The following MMP16 variants were observed in gnomAD, a reference collection of about 807,000 sequenced individuals.
The protein encoded by MMP16 is matrix metallopeptidase 16, also known as matrix metalloproteinase-16.
In MMP16, 12 loss-of-function variants were observed where a neutral mutation model predicts 67.8. That is an observed-to-expected ratio of 0.18 (90% CI 0.11 to 0.29). The LOEUF (loss-of-function observed/expected upper bound fraction) is 0.29. MMP16 is among the 10% of genes least tolerant of loss of function. The probability of loss-of-function intolerance (pLI) is 1.00; values close to 1 mark genes in which losing one functional copy is unlikely to be tolerated. For synonymous variants in MMP16, 249 were observed against 255.9 expected (o/e 0.97, Z 0.26); for missense variants, 475 against 765.7 (o/e 0.62, Z 4.48).
Position 88,074,571 on chromosome 8 carries a change from A to G in MMP16, c.1222+34T>C, listed in dbSNP as rs1335211890. 3 of 1,606,186 alleles carry G rather than the reference A, an allele frequency of 1.9e-6. No homozygotes were observed. The Admixed American group carries it at 5.0e-5, about 27-fold the overall frequency. On this transcript the variant is annotated intron_variant, in intron 7 of 9. Coordinates refer to ENST00000286614, the MANE Select transcript of MMP16 (RefSeq NM_005941.5). Reference sequence around the variant, plus strand: ...CAGGGTCCTATACAAAATGATTAAAATACAACATAGCCAGATATGGAAAAC... The same window carrying G: ...CAGGGTCCTATACAAAATGATTAAAGTACAACATAGCCAGATATGGAAAAC...
chr8:88,155,169 A>C (rs1426605408), intron 4 of MMP16, among the ~76,000 whole-genome samples: 1 of 152,094 alleles, frequency 6.6e-6, no homozygotes, highest in Non-Finnish European at 1.5e-5. Context: ...GTTACTACTA[A>C]ATCACAGTAA....
intron 1 of MMP16, among the ~76,000 whole-genome samples, chr8:88,250,060 C>T (rs1810182580): frequency 6.6e-6 from 1 of 152,018 alleles, no homozygotes; most frequent in Admixed American, 6.6e-5. Context: ...AATGCAGCTG[C>T]TTCTAATCTT....
chr8:88,174,896 C>T (rs1041013325), intron 3 of MMP16, among the ~76,000 whole-genome samples: 7 of 151,768 alleles, frequency 4.6e-5, no homozygotes, highest in Admixed American at 1.3e-4. Flanking sequence ...AGGGATAAAA[C>T]GCACGCGCCA....
intron 1 of MMP16, among the ~76,000 whole-genome samples, chr8:88,258,800 C>A (rs1410058568): frequency 6.6e-6 from 1 of 152,098 alleles, no homozygotes; most frequent in Non-Finnish European, 1.5e-5. Flanking sequence ...AGAGAAGACA[C>A]AGTATAAAGT....
intron 4 of MMP16, among the ~76,000 whole-genome samples, chr8:88,140,518 C>T (rs1808195875): frequency 6.6e-6 from 1 of 152,042 alleles, no homozygotes; most frequent in African/African-American, 2.4e-5. Context: ...ATTTTAGAAG[C>T]ACCACAACAG....
At chr8:88,124,612 G>A (rs1807895054) in intron 4 of MMP16, among the ~76,000 whole-genome samples, 1 of 151,916 alleles carries the variant, frequency 6.6e-6, no homozygotes, top group African/African-American at 2.4e-5. Context: ...GAACACAGCT[G>A]CTGCACAGGA....
At chr8:88,053,201 G>C (rs1245666962) in intron 8 of MMP16, among the ~76,000 whole-genome samples, 2 of 152,174 alleles carry the variant, frequency 1.3e-5, no homozygotes, top group Non-Finnish European at 2.9e-5. Flanking sequence ...TTGGTGGAGA[G>C]GGAAGGGTAC....
At chr8:88,151,304 C>A (rs984903688) in intron 4 of MMP16, among the ~76,000 whole-genome samples, 1 of 148,616 alleles carries the variant, frequency 6.7e-6, no homozygotes, top group African/African-American at 2.5e-5. Flanking sequence ...GACAGATCAA[C>A]CAGACAGAAA....
At chr8:88,322,744 C>T (rs551029952) in intron 1 of MMP16, among the ~76,000 whole-genome samples, 1 of 151,882 alleles carries the variant, frequency 6.6e-6, no homozygotes, top group East Asian at 1.9e-4. Context: ...ACTCAGGAGG[C>T]TAAGGTGGGA....
At chr8:88,195,870 G>A (rs536324885) in intron 2 of MMP16, among the ~76,000 whole-genome samples, 41 of 152,190 alleles carry the variant, frequency 2.7e-4, no homozygotes, top group African/African-American at 8.9e-4. Flanking sequence ...TTATCTCAAA[G>A]CTTTTATTAT....
chr8:88,309,314 T>C (rs1324261012), intron 1 of MMP16, among the ~76,000 whole-genome samples: 15 of 151,938 alleles, frequency 9.9e-5, no homozygotes, highest in Non-Finnish European at 1.8e-4. Context: ...TTGTTCTACA[T>C]GCACTGGTAG....
In MMP16 at chr8:88,108,432, C is replaced by G. The variant is rs553007105; in HGVS notation, c.1083+8075G>C. Among the ~76,000 whole-genome samples the G allele has an allele frequency of 2.5e-4, 38 of 151,286 alleles. No individual in the cohort carries two copies. The South Asian group carries it at 7.5e-3, about 30-fold the overall frequency. On this transcript the variant is annotated intron_variant, in intron 6 of 9. Transcript: ENST00000286614. ...CTTTTCATCTAGGAGGGTAACATAG[C>G]CCAGCCATAGTAAGGACACTAAGCA...
chr8:88,225,931 T>C (rs1364718759), intron 1 of MMP16, among the ~76,000 whole-genome samples: 1 of 152,040 alleles, frequency 6.6e-6, no homozygotes, highest in Non-Finnish European at 1.5e-5. Flanking sequence ...TGTGTGTGAA[T>C]GTAGAAATAG....
At chr8:88,274,391 T>C (rs1810612610) in intron 1 of MMP16, among the ~76,000 whole-genome samples, 1 of 152,116 alleles carries the variant, frequency 6.6e-6, no homozygotes, top group Non-Finnish European at 1.5e-5. Context: ...AGTCTCTGAT[T>C]ACTTTTCCAA....
At chr8:88,102,187 G>A (rs777550422) in intron 6 of MMP16, among the ~76,000 whole-genome samples, 5 of 151,732 alleles carry the variant, frequency 3.3e-5, no homozygotes, top group Admixed American at 6.6e-5. Flanking sequence ...TCAATCCAAG[G>A]TTGGGGACTA....
At chr8:88,292,837 T>C (rs1436817285) in intron 1 of MMP16, among the ~76,000 whole-genome samples, 3 of 152,206 alleles carry the variant, frequency 2.0e-5, no homozygotes, top group South Asian at 2.1e-4. Context: ...CAAAAACCTA[T>C]AAGCCTCTTT....
intron 1 of MMP16, among the ~76,000 whole-genome samples, chr8:88,242,406 C>T (rs1810048103): frequency 6.6e-6 from 1 of 152,196 alleles, no homozygotes; most frequent in South Asian, 2.1e-4. Flanking sequence ...TTTCAAGACA[C>T]TTCCATACAA....
At chr8:88,230,536 T>A (rs1332593817) in intron 1 of MMP16, among the ~76,000 whole-genome samples, 2 of 64 alleles carry the variant, frequency 0.031, no homozygotes, top group Admixed American at 0.17. Flanking sequence ...ATCAATTTTC[T>A]TTTTTTTTTT....
intron 1 of MMP16, among the ~76,000 whole-genome samples, chr8:88,230,145 T>C (rs527616546): frequency 2.6e-5 from 4 of 152,168 alleles, no homozygotes; most frequent in Non-Finnish European, 5.9e-5. Flanking sequence ...TCGAACTTTA[T>C]TGTGCCTTAG....
Sources: allele counts gnomAD v4.1 joint callset (sites outside exome capture counted in the v4.1 genomes callset), GRCh38; gene constraint gnomAD v4.1.1; transcripts MANE v1.5; gene names NCBI Gene and HGNC (gene_info 2026-07-23, HGNC 2026-07-21).